USP25: variants seen among roughly 807,000 people sequenced by gnomAD.
USP25 encodes ubiquitin specific peptidase 25, also known as ubiquitin carboxyl-terminal hydrolase 25.
USP25 carries 85 observed loss-of-function variants against 158.5 expected under a neutral mutation model. That is an observed-to-expected ratio of 0.54 (90% CI 0.45 to 0.64). The LOEUF (loss-of-function observed/expected upper bound fraction) is 0.64. Ranked by LOEUF, USP25 falls within the 30% of genes least tolerant of loss-of-function variation. The pLI, the probability that USP25 is intolerant of heterozygous loss-of-function variation, is 0.00. For missense variants in USP25, 1,242 were observed against 1,327.3 expected, an observed-to-expected ratio of 0.94 and a Z score of 1.00; for synonymous variants, 464 against 460.4, an observed-to-expected ratio of 1.01 and a Z score of -0.10.
chr21:15,730,518 G>A (rs1032162047), intron 1 of USP25, 80 bp downstream of exon 1: 2 of 1,269,650 alleles, frequency 1.6e-6, no homozygotes, highest in South Asian at 2.2e-5. Flanking sequence ...GGGCGCCCCG[G>A]CCTCGCCGCC....
intron 6 of USP25, among the ~76,000 whole-genome samples, chr21:15,802,689 C>CA (rs2036191109): frequency 6.6e-6 from 1 of 151,626 alleles, no homozygotes; most frequent in Non-Finnish European, 1.5e-5. Flanking sequence ...TCTTACCAGA[C>CA]ATCTTATTAG....
At chr21:15,756,532 T>G (rs1217276573) in intron 1 of USP25, among the ~76,000 whole-genome samples, 1 of 152,200 alleles carries the variant, frequency 6.6e-6, no homozygotes, top group African/African-American at 2.4e-5. Context: ...AAATATGCCC[T>G]CTTTACTGAA....
At chr21:15,870,265 A>G in intron 23 of USP25, 118 bp downstream of exon 23, 1 of 653,860 alleles carries the variant, frequency 1.5e-6, no homozygotes, top group Non-Finnish European at 2.5e-6. Context: ...TAAATGTTTT[A>G]TTTTAGATCA....
chr21:15,769,075 A>AGTTT (rs1402569357), intron 3 of USP25, among the ~76,000 whole-genome samples: 1 of 152,106 alleles, frequency 6.6e-6, no homozygotes, highest in Admixed American at 6.6e-5. Flanking sequence ...TTAGTTTTTA[A>AGTTT]ACTAATATCA....
At chr21:15,842,700 G>A (rs1159477913) in intron 18 of USP25, among the ~76,000 whole-genome samples, 160 bp downstream of exon 18, 11 of 152,124 alleles carry the variant, frequency 7.2e-5, no homozygotes, top group Admixed American at 7.2e-4. Context: ...CTCATGCCCA[G>A]GCTGTGATTT....
Position 15,791,693 on chromosome 21 carries a change from T to C in USP25, c.555+29T>C, listed in dbSNP as rs374245703. On this transcript the variant is annotated intron_variant, in intron 5 of 25. Transcript: ENST00000400183. ...AGGATTTTTCTTTATTCAGTTCTTATTTGATGTGTGTGATAGCAATGGAAA... is the reference window on the plus strand; with the variant it reads ...AGGATTTTTCTTTATTCAGTTCTTACTTGATGTGTGTGATAGCAATGGAAA... 73 of 1,588,464 alleles carry C rather than the reference T, an allele frequency of 4.6e-5. 1 individual carries two copies. The East Asian group carries it at 9.7e-4, about 21-fold the overall frequency.
intron 1 of USP25, among the ~76,000 whole-genome samples, chr21:15,740,955 T>A (rs2031995894): frequency 6.6e-6 from 1 of 152,026 alleles, no homozygotes; most frequent in East Asian, 1.9e-4. Context: ...TGAAAGTGTG[T>A]AATTTGATGA....
At chr21:15,783,262 A>G (rs1048916668) in intron 4 of USP25, among the ~76,000 whole-genome samples, 8 of 152,180 alleles carry the variant, frequency 5.3e-5, no homozygotes, top group African/African-American at 1.9e-4. Flanking sequence ...CTTATCAGAC[A>G]CCATTAAGCA....
intron 25 of USP25, 70 bp downstream of exon 25, chr21:15,878,061 T>A: frequency 7.9e-7 from 1 of 1,273,486 alleles, no homozygotes; most frequent in East Asian, 2.5e-5. Flanking sequence ...AGATGTTATT[T>A]ATTCTTGCCA....
intron 15 of USP25, 106 bp from the exon 16 acceptor site, chr21:15,831,295 A>G: frequency 9.7e-7 from 1 of 1,029,468 alleles, no homozygotes. Context: ...TAAAAAAAAA[A>G]ATGCTCTTAT....
intron 1 of USP25, among the ~76,000 whole-genome samples, chr21:15,750,185 T>C: frequency 8.1e-6 from 1 of 123,368 alleles, no homozygotes; most frequent in South Asian, 2.4e-4. Flanking sequence ...CAGTGCCGTG[T>C]GTGTGTGTGT....
rs948126427 is a variant in USP25 at position 15,879,473 on chromosome 21, ATGT to A, written c.*1003_*1005del. Reference sequence around the variant, plus strand: ...TAATTAATACTGTGAAACAAAATTGATGTTGTTTAACTAGAAGTTATGAGTATC... The same window carrying A: ...TAATTAATACTGTGAAACAAAATTGATGTTTAACTAGAAGTTATGAGTATC... On this transcript the variant is annotated 3_prime_UTR_variant, in exon 26 of 26. Coordinates refer to ENST00000400183, the MANE Select transcript of USP25 (RefSeq NM_001283041.3). 27 of 152,490 alleles carry A rather than the reference ATGT, an allele frequency of 1.8e-4. No homozygotes were observed. The highest frequency in any genetic ancestry group is 3.1e-4 in the Non-Finnish European group (21 of 67,950). 9.4% of individuals were successfully genotyped at this position (152,490 alleles called of 1,614,324 possible). A position where few individuals can be genotyped will look rare whatever the true frequency, so the allele number is the denominator to read the frequency against.
intron 1 of USP25, among the ~76,000 whole-genome samples, chr21:15,750,017 G>C (rs907846210): frequency 1.3e-5 from 2 of 152,060 alleles, no homozygotes; most frequent in Admixed American, 6.5e-5. Flanking sequence ...AGGAGAGGCT[G>C]TGTAGCTTCC....
chr21:15,778,091 T>A, intron 4 of USP25, 64 bp downstream of exon 4: 1 of 1,346,900 alleles, frequency 7.4e-7, no homozygotes. Flanking sequence ...ATTAATTGGG[T>A]TAAATTAATT....
chr21:15,730,356 G>GCGC lies in USP25; in HGVS notation c.-36_-34dup, dbSNP rs1555817368. ...GGCCGGCGGAGGCGCGAGGAGCCGGGCGCCACCGCCGCCGCCGCCGCCGCC... is the reference window on the plus strand; with the variant it reads ...GGCCGGCGGAGGCGCGAGGAGCCGGGCGCCGCCACCGCCGCCGCCGCCGCCGCC... On this transcript the variant is annotated 5_prime_UTR_variant, in exon 1 of 26. Coordinates refer to ENST00000400183, the MANE Select transcript of USP25 (RefSeq NM_001283041.3). 5 of 1,171,300 alleles carry GCGC rather than the reference G, an allele frequency of 4.3e-6. No homozygotes were observed. Among genetic ancestry groups the GCGC allele is most frequent in the South Asian group, 4.1e-5 (1 of 24,366 alleles). The allele number at this position is 1,171,300 out of a possible 1,614,324, so 72.6% of individuals were successfully genotyped here.
intron 22 of USP25, among the ~76,000 whole-genome samples, chr21:15,868,715 A>G (rs2039760336): frequency 1.3e-5 from 2 of 152,164 alleles, no homozygotes; most frequent in South Asian, 4.1e-4. Context: ...GGATACTTTC[A>G]CACTGCAGTT....
intron 20 of USP25, among the ~76,000 whole-genome samples, chr21:15,860,973 T>TAGAGAGAGAG (rs376765181): frequency 7.0e-6 from 1 of 142,464 alleles, no homozygotes; most frequent in Admixed American, 7.1e-5. Flanking sequence ...TATATATATA[T>TAGAGAGAGAG]ATAGAGAGAG....
At chr21:15,731,832 A>G (rs915252331) in intron 1 of USP25, among the ~76,000 whole-genome samples, 4 of 152,232 alleles carry the variant, frequency 2.6e-5, no homozygotes, top group Admixed American at 2.0e-4. Context: ...TTAAAGACTT[A>G]AGGCTTAGGA....
chr21:15,814,632 G>A (rs549463372), intron 9 of USP25, among the ~76,000 whole-genome samples: 17 of 152,356 alleles, frequency 1.1e-4, no homozygotes, highest in African/African-American at 4.1e-4. Flanking sequence ...GAGACTGGTG[G>A]CATTTTGCCT....
Sources: gnomAD v4.1 joint callset for allele counts (sites outside exome capture counted in the v4.1 genomes callset) on GRCh38, gnomAD v4.1.1 for gene constraint, MANE v1.5 for transcripts, NCBI Gene and HGNC (gene_info 2026-07-23, HGNC 2026-07-21) for gene names.